FAM120B: variants seen among roughly 807,000 people sequenced by gnomAD.
FAM120B encodes constitutive coactivator of peroxisome proliferator-activated receptor gamma.
A neutral mutation model predicts 96.3 loss-of-function variants in FAM120B; 83 were observed. The observed-to-expected ratio is 0.86, with a 90% confidence interval of 0.72 to 1.03. FAM120B has a LOEUF of 1.03. Ranked by LOEUF, FAM120B falls within the 50% of genes least tolerant of loss-of-function variation. FAM120B has a pLI of 0.00. For missense variants in FAM120B, 1,027 were observed against 1,121.2 expected, an observed-to-expected ratio of 0.92 and a Z score of 1.20; for synonymous variants, 407 against 402.7, an observed-to-expected ratio of 1.01 and a Z score of -0.13.
rs973471409 is a variant in FAM120B, at chr6:170,317,429, C to T, written c.39C>T (p.Thr13=). 5 of 1,612,984 alleles carry T rather than the reference C, an allele frequency of 3.1e-6. No individual in the cohort carries two copies. The African/African-American group carries it at 5.3e-5, about 17-fold the overall frequency. Residue 13 remains threonine (T), a synonymous_variant, in exon 2 of 11, where the codon ACC becomes ACT. Coordinates refer to ENST00000476287, the MANE Select transcript of FAM120B (RefSeq NM_032448.3). Reference sequence around the variant, plus strand: ...GTTTGCAAGGATTTGTGGGAAGTACCTGCCCACATATATGTACAGTAGTAA... The same window carrying T: ...GTTTGCAAGGATTTGTGGGAAGTACTTGCCCACATATATGTACAGTAGTAA... ...VRGLQGFVGS[T]CPHICTVVNF... is the part of the protein sequence containing the mutation.
intron 6 of FAM120B, among the ~76,000 whole-genome samples, chr6:170,374,615 A>T (rs1018562182): frequency 2.0e-5 from 3 of 152,188 alleles, no homozygotes; most frequent in Admixed American, 6.5e-5. Flanking sequence ...AAGAATGAAC[A>T]CGTCTTGTCA....
chr6:170,309,150 ATTAC>A (rs1226850802), intron 1 of FAM120B, among the ~76,000 whole-genome samples: 1 of 152,216 alleles, frequency 6.6e-6, no homozygotes, highest in Non-Finnish European at 1.5e-5. Flanking sequence ...CTTTTGATTT[ATTAC>A]TTTGAAAATG....
chr6:170,314,606 C>T (rs554155532), intron 1 of FAM120B, among the ~76,000 whole-genome samples: 2 of 152,178 alleles, frequency 1.3e-5, no homozygotes, highest in African/African-American at 2.4e-5. Context: ...ATTATTTTCC[C>T]CAGTCATCCC....
chr6:170,352,740 G>T (rs1323690371), intron 5 of FAM120B, among the ~76,000 whole-genome samples: 3 of 152,148 alleles, frequency 2.0e-5, no homozygotes, highest in Non-Finnish European at 4.4e-5. Context: ...CTGGGCTGCA[G>T]CTAAAGCAAT....
chr6:170,302,039 A>G (rs1005618739), upstream of FAM120B, among the ~76,000 whole-genome samples: 1 of 152,118 alleles, frequency 6.6e-6, no homozygotes, highest in African/African-American at 2.4e-5. Flanking sequence ...TTACAACAGC[A>G]CCTCACTACC....
chr6:170,394,403 C>T (rs568479628), intron 8 of FAM120B, among the ~76,000 whole-genome samples: 1 of 152,356 alleles, frequency 6.6e-6, no homozygotes, highest in Admixed American at 6.5e-5. Flanking sequence ...GTCCTGAGGG[C>T]AGCCCAGGAG....
chr6:170,309,941 T>A (rs1448446229), intron 1 of FAM120B, among the ~76,000 whole-genome samples: 3 of 152,224 alleles, frequency 2.0e-5, no homozygotes, highest in Non-Finnish European at 4.4e-5. Context: ...TGTTGTGATG[T>A]GAATAGTAAT....
intron 1 of FAM120B, among the ~76,000 whole-genome samples, chr6:170,314,321 C>T (rs1583182841): frequency 6.6e-6 from 1 of 152,330 alleles, no homozygotes; most frequent in Non-Finnish European, 1.5e-5. Flanking sequence ...TTACTGATTC[C>T]TGATTTCTCT....
intron 5 of FAM120B, among the ~76,000 whole-genome samples, chr6:170,351,877 TAAAC>T (rs1787604178): frequency 6.6e-6 from 1 of 152,144 alleles, no homozygotes; most frequent in Admixed American, 6.5e-5. Flanking sequence ...AGCAACCACA[TAAAC>T]AAGCCTGCAA....
chr6:170,310,925 T>C (rs545975774), intron 1 of FAM120B, among the ~76,000 whole-genome samples: 1 of 152,190 alleles, frequency 6.6e-6, no homozygotes, highest in South Asian at 2.1e-4. Context: ...GCACAGTAAA[T>C]CCTGAATGAG....
intron 1 of FAM120B, chr6:170,298,322 A>G (rs1784067378): frequency 1.3e-5 from 2 of 152,126 alleles, no homozygotes; most frequent in South Asian, 4.1e-4. Context: ...TTAGGCAAGT[A>G]TTTTCTCACT....
intron 1 of FAM120B, among the ~76,000 whole-genome samples, chr6:170,297,538 C>T (rs1198361399): frequency 1.3e-5 from 2 of 152,226 alleles, no homozygotes; most frequent in African/African-American, 4.8e-5. Context: ...ATCCTTAAAT[C>T]GGCTCCCAAA....
rs532685299 is a variant in FAM120B at position 170,316,557 on chromosome 6, T to C, written c.-21-813T>C. Among the ~76,000 whole-genome samples, 5 of 152,386 alleles carry C rather than the reference T, an allele frequency of 3.3e-5. No individual in the cohort carries two copies. The South Asian group carries it at 1.0e-3, about 32-fold the overall frequency. Reference sequence around the variant, plus strand: ...CCTTTTCCAGATTCCAAATTCTAACTGTAAACTACTTTGTATCTGTCTTTA... The same window carrying C: ...CCTTTTCCAGATTCCAAATTCTAACCGTAAACTACTTTGTATCTGTCTTTA... On this transcript the variant is annotated intron_variant, in intron 1 of 10. Coordinates refer to ENST00000476287, the MANE Select transcript of FAM120B (RefSeq NM_032448.3).
At chr6:170,361,369 A>G (rs974897162) in intron 6 of FAM120B, among the ~76,000 whole-genome samples, 1 of 151,718 alleles carries the variant, frequency 6.6e-6, no homozygotes, top group Non-Finnish European at 1.5e-5. Context: ...ATAGAAATAC[A>G]TAAGAATACA....
At chr6:170,344,087 A>G (rs1787017317) in intron 4 of FAM120B, among the ~76,000 whole-genome samples, 1 of 137,642 alleles carries the variant, frequency 7.3e-6, no homozygotes, top group African/African-American at 2.8e-5. Context: ...AACGGATGAA[A>G]TCGTTCAGTC....
chr6:170,391,911 C>T (rs1169013552), intron 8 of FAM120B, among the ~76,000 whole-genome samples: 1 of 152,210 alleles, frequency 6.6e-6, no homozygotes, highest in Non-Finnish European at 1.5e-5. Flanking sequence ...TCCCACTTAG[C>T]ACTTAACTTA....
intron 1 of FAM120B, among the ~76,000 whole-genome samples, chr6:170,312,976 AG>A (rs1704660226): frequency 6.6e-6 from 1 of 152,236 alleles, no homozygotes. Context: ...TCTTGCTACA[AG>A]CCCCAGATTG....
chr6:170,390,775 G>A (rs770120848), intron 7 of FAM120B, among the ~76,000 whole-genome samples: 2 of 152,144 alleles, frequency 1.3e-5, no homozygotes, highest in Non-Finnish European at 2.9e-5. Flanking sequence ...GAAGCTGCTT[G>A]GTGTTCTTTT....
chr6:170,398,082 CG>C (rs1778288354), intron 9 of FAM120B, among the ~76,000 whole-genome samples: 1 of 152,194 alleles, frequency 6.6e-6, no homozygotes, highest in Non-Finnish European at 1.5e-5. Flanking sequence ...AAAGAGGCTA[CG>C]GGTTCTGCAG....
Sources: allele counts gnomAD v4.1 joint callset (sites outside exome capture counted in the v4.1 genomes callset), GRCh38; gene constraint gnomAD v4.1.1; transcripts MANE v1.5; gene names NCBI Gene and HGNC (gene_info 2026-07-23, HGNC 2026-07-21).